CHEK2: variants seen among roughly 807,000 people sequenced by gnomAD.
CHEK2 encodes the protein serine/threonine-protein kinase Chk2.
CHEK2 carries 71 observed loss-of-function variants against 69.1 expected under a neutral mutation model. The ratio of observed to expected loss-of-function variants is 1.03; its 90% CI spans 0.85 to 1.25. The LOEUF (loss-of-function observed/expected upper bound fraction) is 1.25, where lower values mean the gene tolerates loss of function less well. Among genes scored for constraint, CHEK2 ranks in the 50% most tolerant of loss-of-function variants. The pLI, the probability that CHEK2 is intolerant of heterozygous loss-of-function variation, is 0.00. For missense variants in CHEK2, 664 were observed against 649.6 expected (o/e 1.02, Z -0.24); for synonymous variants, 189 against 226.9 (o/e 0.83, Z 1.50).
chr22:28,711,855 G>A (rs1011161664), intron 6 of CHEK2, 54 bp downstream of exon 6: 3 of 1,154,392 alleles, frequency 2.6e-6, no homozygotes, highest in African/African-American at 3.0e-5. Context: ...GATTATTTTG[G>A]GAAGTTATGA....
chr22:28,715,863 CTT>C (rs112857088), intron 5 of CHEK2, among the ~76,000 whole-genome samples: 5 of 143,272 alleles, frequency 3.5e-5, no homozygotes, highest in East Asian at 2.0e-4. Context: ...ATTTCTTCTT[CTT>C]TTTTTTTTTT....
rs1064795041 is a variant in CHEK2 at position 28,695,217 on chromosome 22, C to T, written c.1285G>A (p.Glu429Lys). 3 of 1,611,556 alleles carry T rather than the reference C, an allele frequency of 1.9e-6. No individual in the cohort carries two copies. The highest frequency in any genetic ancestry group is 2.5e-6 in the Non-Finnish European group (3 of 1,177,906). The change falls in exon 12 of 15, where the codon GAG (glutamate) becomes AAG (lysine). Residue 429 changes from glutamate (E) to lysine (K), a missense_variant. Glu to Lys is a moderately conservative substitution (Grantham distance 56). Coordinates refer to ENST00000404276, the MANE Select transcript of CHEK2 (RefSeq NM_007194.4). ...ICLSGYPPFS[E>K]HRTQVSLKDQ... The stretch of plus-strand genomic sequence containing the variant: ...TTCAGTGACACTTGAGTCCTATGCT[C>T]AGAGAAAGGTGGATACCCACTAAGG...
chr22:28,699,804 G>C (rs1569120706), intron 9 of CHEK2, 34 bp downstream of exon 9: 1 of 1,403,870 alleles, frequency 7.1e-7, no homozygotes, highest in East Asian at 2.3e-5. Context: ...CTAAAAGAAA[G>C]GCAGCTGTCA....
rs537445902 is a variant in CHEK2 at position 28,691,731 on chromosome 22, C to A, written c.1461+2301G>T. Among the ~76,000 whole-genome samples, 8 of 152,260 alleles carry A rather than the reference C, an allele frequency of 5.3e-5. No individual in the cohort carries two copies. The highest frequency in any genetic ancestry group is 8.8e-5 in the Non-Finnish European group (6 of 68,018). On this transcript the variant is annotated intron_variant, in intron 13 of 14. Coordinates refer to ENST00000404276, the MANE Select transcript of CHEK2 (RefSeq NM_007194.4). ...TAAAATAAAAATTAAATTGTAATAT[C>A]CCTTGAAAGTAAACAGAAGAAATCC...
intron 7 of CHEK2, chr22:28,708,824 G>T: frequency 4.4e-6 from 1 of 228,592 alleles, no homozygotes; most frequent in South Asian, 4.5e-5. Context: ...TTAGCCGGGC[G>T]TGGTGGTGTG....
At chr22:28,697,463 T>C (rs774530001) in intron 9 of CHEK2, among the ~76,000 whole-genome samples, 1 of 152,186 alleles carries the variant, frequency 6.6e-6, no homozygotes, top group Non-Finnish European at 1.5e-5. Flanking sequence ...TGAGTTAACC[T>C]ATTCCTCAAT....
chr22:28,703,458 A>T (rs1470453329), intron 8 of CHEK2, 47 bp downstream of exon 8: 1 of 1,001,660 alleles, frequency 1.0e-6, no homozygotes, highest in Non-Finnish European at 1.5e-6. Context: ...GTGGCTTTAT[A>T]AAGCATTTGA....
At chr22:28,718,270 A>G (rs981310374) in intron 5 of CHEK2, among the ~76,000 whole-genome samples, 1 of 152,176 alleles carries the variant, frequency 6.6e-6, no homozygotes, top group Non-Finnish European at 1.5e-5. Flanking sequence ...AAAAAGATGA[A>G]TAATAACAAA....
rs745699485 is a variant in CHEK2 at position 28,725,095 on chromosome 22, T to G, written c.474A>C (p.Ala158=). The change falls in exon 4 of 15, where the codon GCA becomes GCC. Residue 158 remains alanine (A), a synonymous_variant. Transcript: ENST00000404276. ...REVGPKNSYI[A]YIEDHSGNGT... ...CATTGCCACTGTGATCTTCTATGTA[T>G]GCAATGTAAGAGTTTTTAGGACCCA... 160 of 1,614,024 alleles carry G rather than the reference T, an allele frequency of 9.9e-5. No individual in the cohort carries two copies. Among genetic ancestry groups the G allele is most frequent in the Non-Finnish European group, 1.3e-4 (157 of 1,180,016 alleles).
intron 2 of CHEK2, among the ~76,000 whole-genome samples, chr22:28,728,551 A>G (rs1032085023): frequency 6.6e-6 from 1 of 152,098 alleles, no homozygotes; most frequent in South Asian, 2.1e-4. Flanking sequence ...ACAAAAAAAA[A>G]TTTAGCCAGG....
chr22:28,701,670 G>T (rs2052853855), intron 8 of CHEK2, among the ~76,000 whole-genome samples: 1 of 152,176 alleles, frequency 6.6e-6, no homozygotes, highest in Non-Finnish European at 1.5e-5. Flanking sequence ...GAGACAGGAA[G>T]TTATTCTGAT....
At chr22:28,735,141 T>C (rs1807609) in intron 1 of CHEK2, among the ~76,000 whole-genome samples, 103,127 of 151,780 alleles carry the variant, frequency 0.68, 35,642 homozygotes, top group South Asian at 0.84. Context: ...GGCGCGGGGG[T>C]TCACTCCTGT....
chr22:28,699,899 T>C lies in CHEK2; in HGVS notation c.947A>G (p.Asn316Ser). ...GGELFDKVVG[N>S]KRLKEATCKL... The stretch of plus-strand genomic sequence containing the variant: ...GCAGGTAGCTTCTTTCAGGCGTTTA[T>C]TCCCCACCACTTTGTCAAACAGCTC... The change falls in exon 9 of 15, where the codon AAT becomes AGT. Residue 316 changes from asparagine (N) to serine (S), a missense_variant. Coordinates refer to ENST00000404276, the MANE Select transcript of CHEK2 (RefSeq NM_007194.4). 6.2e-7 allele frequency: 1 copy of C among 1,614,156 alleles called. No individual in the cohort carries two copies. Among genetic ancestry groups the C allele is most frequent in the Non-Finnish European group, 8.5e-7 (1 of 1,180,010 alleles).
At chr22:28,729,712 T>C (rs1295003236) in intron 2 of CHEK2, among the ~76,000 whole-genome samples, 1 of 152,010 alleles carries the variant, frequency 6.6e-6, no homozygotes, top group Non-Finnish European at 1.5e-5. Flanking sequence ...CTCAGAAAAC[T>C]AGGAATAGGA....
intron 4 of CHEK2, among the ~76,000 whole-genome samples, chr22:28,721,290 T>G (rs1261368498): frequency 6.9e-6 from 1 of 145,684 alleles, no homozygotes; most frequent in Non-Finnish European, 1.5e-5. Context: ...GGTTTTTTTT[T>G]TTTTTTTTTT....
At chr22:28,715,715 C>G (rs1249604289) in intron 5 of CHEK2, among the ~76,000 whole-genome samples, 1 of 152,170 alleles carries the variant, frequency 6.6e-6, no homozygotes, top group African/African-American at 2.4e-5. Context: ...CCACTATGCC[C>G]GGCCTGGCTA....
At chr22:28,699,096 C>A (rs1473302223) in intron 9 of CHEK2, among the ~76,000 whole-genome samples, 1 of 152,120 alleles carries the variant, frequency 6.6e-6, no homozygotes, top group East Asian at 1.9e-4. Context: ...CCTCAACCTC[C>A]CAGGCTCAAG....
chr22:28,689,207 G>T lies in CHEK2; in HGVS notation c.1470C>A (p.Asp490Glu), dbSNP rs587780178. Residue 490 changes from aspartate to glutamate, a missense_variant, in exon 14 of 15, where the codon GAC becomes GAA. Physicochemically the swap from Asp to Glu is conservative, Grantham distance 45. Transcript: ENST00000404276. ...GAAGATCTTGAAACTTTCTCTTCAT[G>T]TCTTCATCCTGTGAGGGAATTAAAA... ...ALRHPWLQDE[D>E]MKRKFQDLLS... 35 of 1,578,528 alleles carry T rather than the reference G, an allele frequency of 2.2e-5. No individual in the cohort carries two copies. Among genetic ancestry groups the T allele is most frequent in the Non-Finnish European group, 2.9e-5 (34 of 1,163,700 alleles).
intron 1 of CHEK2, among the ~76,000 whole-genome samples, chr22:28,736,749 G>A (rs2054419050): frequency 1.3e-5 from 2 of 151,718 alleles, no homozygotes; most frequent in East Asian, 1.9e-4. Context: ...ATACCAGCCT[G>A]GCCAACATAG....
Sources: allele counts gnomAD v4.1 joint callset (sites outside exome capture counted in the v4.1 genomes callset), GRCh38; gene constraint gnomAD v4.1.1; transcripts MANE v1.5; gene names NCBI Gene and HGNC (gene_info 2026-07-23, HGNC 2026-07-21).